Variants in LY6H observed in about 807,000 individuals in gnomAD.
The protein encoded by LY6H is lymphocyte antigen 6 family member H, also known as lymphocyte antigen 6H.
A neutral mutation model predicts 14.6 loss-of-function variants in LY6H; 8 were observed. That is an observed-to-expected ratio of 0.55 (90% confidence interval 0.32 to 0.99). LY6H has a LOEUF of 0.99. Among genes scored for constraint, LY6H ranks in the 50% least tolerant of loss-of-function variants. The pLI is 0.04. For missense variants in LY6H, 196 were observed against 219.6 expected (o/e 0.89, Z 0.68); for synonymous variants, 115 against 97.2 (o/e 1.18, Z -1.08).
chr8:143,160,127 C>CCG (rs1815563772), intron 1 of LY6H, 71 bp downstream of exon 1: 1 of 1,225,424 alleles, frequency 8.2e-7, no homozygotes. Flanking sequence ...CCTTGGCCTT[C>CCG]CGCGCGCGCC....
At position 143,158,213 on chromosome 8, in the gene LY6H, G is replaced by C; in HGVS notation, c.*37C>G. The C allele has an allele frequency of 6.7e-7, 1 of 1,496,624 alleles. No homozygotes were observed. The highest frequency in any genetic ancestry group is 9.2e-7 in the Non-Finnish European group (1 of 1,090,674). 92.7% of individuals were successfully genotyped at this position (1,496,624 alleles called of 1,614,324 possible). A position where few individuals can be genotyped will look rare whatever the true frequency, so the allele number is the denominator to read the frequency against. ...GGGAGAGGGCAGCCACAGGCTCAGG[G>C]GAGCAAGCTCAGAAGCCCCGTGGGA... On this transcript the variant is annotated 3_prime_UTR_variant, in exon 4 of 4. Transcript: ENST00000342752.
At chr8:143,159,411 G>A (rs896494728) in intron 2 of LY6H, 171 bp downstream of exon 2, 97 of 717,828 alleles carry the variant, frequency 1.4e-4, no homozygotes, top group Non-Finnish European at 1.8e-4. Context: ...GCCCAGTGCC[G>A]GGGCAGAGGG....
At position 143,159,728 on chromosome 8, in the gene LY6H, G is replaced by A; in HGVS notation, c.3-19C>T. The A allele has an allele frequency of 1.5e-6, 2 of 1,355,982 alleles. No individual in the cohort carries two copies. The highest frequency in any genetic ancestry group is 1.9e-6 in the Non-Finnish European group (2 of 1,060,696). 84.0% of individuals were successfully genotyped at this position (1,355,982 alleles called of 1,614,324 possible). On this transcript the variant is annotated intron_variant, in intron 1 of 3. Coordinates refer to ENST00000342752, the MANE Select transcript of LY6H (RefSeq NM_001135655.2). ...CGCAAGCCTGGAGGGGAGAAGCATCGGTCAGGAGACCCCAAAGACCCTCTC... is the reference window on the plus strand; with the variant it reads ...CGCAAGCCTGGAGGGGAGAAGCATCAGTCAGGAGACCCCAAAGACCCTCTC...
At chr8:143,159,035 C>A in intron 2 of LY6H, 113 bp from the exon 3 acceptor site, 2 of 1,436,358 alleles carry the variant, frequency 1.4e-6, no homozygotes, top group Non-Finnish European at 9.5e-7. Context: ...GAGCCCGACC[C>A]CACGGGAGGG....
chr8:143,158,289 C>G lies in LY6H; in HGVS notation c.447G>C (p.Leu149=), dbSNP rs924139389. 1.2e-6 allele frequency: 2 copies of G among 1,613,204 alleles called. No homozygotes were observed. The highest frequency in any genetic ancestry group is 1.3e-5 in the African/African-American group (1 of 74,904). ...HSPWALAGGL[L]LSLGPALLWA... ...AGAGGAGGGCAGGCCCCAGGCTGAG[C>G]AGGAGCCCCCCGGCCAGGGCCCAGG... Residue 149 remains leucine (L), a synonymous_variant, in exon 4 of 4, where the codon CTG becomes CTC. Transcript: ENST00000342752.
Position 143,159,954 on chromosome 8 carries a change from G to C in LY6H, c.2+244C>G, listed in dbSNP as rs1441030709. 4.0e-6 allele frequency: 5 copies of C among 1,238,776 alleles called. 1 individual carries two copies. The highest frequency in any genetic ancestry group is 1.6e-5 in the African/African-American group (1 of 64,388). The allele number at this position is 1,238,776 out of a possible 1,614,324, so 76.7% of individuals were successfully genotyped here. On this transcript the variant is annotated intron_variant, in intron 1 of 3. Coordinates refer to ENST00000342752, the MANE Select transcript of LY6H (RefSeq NM_001135655.2). The stretch of plus-strand genomic sequence containing the variant: ...CCGGCACCTGTGTGGGGGAGCGGAT[G>C]GGGGGCGTCCTCTTCTCCCCGGGGA...
In LY6H at chr8:143,159,637, T is replaced by A; in HGVS notation, c.75A>T (p.Ala25=). Residue 25 remains alanine, a synonymous_variant, in exon 2 of 4, where the codon GCA becomes GCT. Transcript: ENST00000342752. ...GCGCCAGGCCGAGGCCCTTCATGGC[T>A]GCAGGCAGCATGCTCCGGGTGGGCC... is the stretch of plus-strand genomic sequence containing the variant. ...APRPTRSMLP[A]AMKGLGLALL... 2.1e-6 allele frequency: 3 copies of A among 1,461,710 alleles called. No individual in the cohort carries two copies. The highest frequency in any genetic ancestry group is 1.8e-6 in the Non-Finnish European group (2 of 1,116,556). The allele number at this position is 1,461,710 out of a possible 1,614,324, so 90.5% of individuals were successfully genotyped here. A position where few individuals can be genotyped will look rare whatever the true frequency, so the allele number is the denominator to read the frequency against.
At chr8:143,160,022 G>A (rs1414691777) in intron 1 of LY6H, 176 bp downstream of exon 1, 2 of 1,205,474 alleles carry the variant, frequency 1.7e-6, no homozygotes, top group African/African-American at 3.1e-5. Context: ...AGGGGCGGGA[G>A]CGGGTGGGAC....
chr8:143,158,244 G>A lies in LY6H; in HGVS notation c.*6C>T, dbSNP rs371187487. The A allele has an allele frequency of 2.1e-4, 329 of 1,599,134 alleles. 1 individual carries two copies. The South Asian group carries it at 3.4e-3, about 17-fold the overall frequency. On this transcript the variant is annotated 3_prime_UTR_variant, in exon 4 of 4. Transcript: ENST00000342752. ...AGCTCAGAAGCCCCGTGGGAAGGAG[G>A]AGACATCAGGGCCCAGCCCAGAGGA...
chr8:143,159,098 C>G, intron 2 of LY6H, 176 bp from the exon 3 acceptor site: 1 of 873,512 alleles, frequency 1.1e-6, no homozygotes, highest in Non-Finnish European at 1.8e-6. Context: ...GACAACTGTG[C>G]CCCATCCTGG....
intron 1 of LY6H, 96 bp downstream of exon 1, chr8:143,160,102 G>T (rs980768950): frequency 1.9e-6 from 2 of 1,078,182 alleles, no homozygotes; most frequent in Non-Finnish European, 2.4e-6. Context: ...CGGGAACCCC[G>T]GGCCGAGTCC....
At chr8:143,158,735 G>A (rs1486173762) in intron 3 of LY6H, 68 bp downstream of exon 3, 4 of 1,529,720 alleles carry the variant, frequency 2.6e-6, no homozygotes, top group African/African-American at 1.4e-5. Context: ...GGGCTCCGAG[G>A]ACACCTCTGA....
intron 1 of LY6H, chr8:143,159,966 C>T: frequency 8.1e-7 from 1 of 1,235,674 alleles, no homozygotes; most frequent in South Asian, 3.9e-5. Flanking sequence ...GGGGCGTCCT[C>T]TTCTCCCCGG....
At chr8:143,160,086 G>T in intron 1 of LY6H, 112 bp downstream of exon 1, 1 of 973,686 alleles carries the variant, frequency 1.0e-6, no homozygotes, top group Non-Finnish European at 1.3e-6. Context: ...CCCTGGGCTG[G>T]GGGGCCGGGA....
intron 1 of LY6H, chr8:143,159,960 C>T: frequency 8.1e-7 from 1 of 1,235,044 alleles, no homozygotes; most frequent in Non-Finnish European, 1.0e-6. Flanking sequence ...GGATGGGGGG[C>T]GTCCTCTTCT....
intron 2 of LY6H, 74 bp downstream of exon 2, chr8:143,159,508 C>G: frequency 2.1e-6 from 3 of 1,414,780 alleles, no homozygotes; most frequent in Non-Finnish European, 2.7e-6. Context: ...AGGGTGGCAG[C>G]CCCACACCCG....
At chr8:143,160,062 G>A (rs983165281) in intron 1 of LY6H, 136 bp downstream of exon 1, 1 of 903,410 alleles carries the variant, frequency 1.1e-6, no homozygotes, top group Admixed American at 4.3e-5. Flanking sequence ...CGCGTGCCAG[G>A]TCCCCACCCC....
Sources: allele counts gnomAD v4.1 joint callset, GRCh38; gene constraint gnomAD v4.1.1; transcripts MANE v1.5; gene names NCBI Gene and HGNC (gene_info 2026-07-23, HGNC 2026-07-21).